The following TBL1XR1 variants were observed in gnomAD, a reference collection of about 807,000 sequenced individuals.
The protein encoded by TBL1XR1 is TBL1X/Y related 1, also known as F-box-like/WD repeat-containing protein TBL1XR1.
A neutral mutation model predicts 66.9 loss-of-function variants in TBL1XR1; 5 were observed. That is an observed-to-expected ratio of 0.07 (90% CI 0.04 to 0.16). The LOEUF (loss-of-function observed/expected upper bound fraction) is 0.16. Ranked by LOEUF, TBL1XR1 falls within the 10% of genes least tolerant of loss-of-function variation. The probability of loss-of-function intolerance (pLI) is 1.00; values close to 1 mark genes in which losing one functional copy is unlikely to be tolerated. For synonymous variants in TBL1XR1, 210 were observed against 206.0 expected (o/e 1.02, Z -0.17); for missense variants, 238 against 623.2 (o/e 0.38, Z 6.58).
intron 2 of TBL1XR1, among the ~76,000 whole-genome samples, chr3:177,096,331 T>C (rs34379239): frequency 0.11 from 10,942 of 100,628 alleles, 545 homozygotes; most frequent in Admixed American, 0.22. Flanking sequence ...CTAACATACA[T>C]ACATACACAC....
chr3:177,045,171 T>C (rs1716154905), intron 10 of TBL1XR1, among the ~76,000 whole-genome samples: 1 of 152,134 alleles, frequency 6.6e-6, no homozygotes, highest in Non-Finnish European at 1.5e-5. Flanking sequence ...CAAATTTCCA[T>C]TTTAAAGTTG....
intron 15 of TBL1XR1, among the ~76,000 whole-genome samples, chr3:177,025,737 G>A (rs1348859006): frequency 6.6e-6 from 1 of 152,062 alleles, no homozygotes; most frequent in Non-Finnish European, 1.5e-5. Flanking sequence ...AAACTGTGGG[G>A]GAAGAACCAC....
At chr3:177,105,993 CTAAAT>C (rs1724834926) in intron 1 of TBL1XR1, among the ~76,000 whole-genome samples, 1 of 151,954 alleles carries the variant, frequency 6.6e-6, no homozygotes, top group Non-Finnish European at 1.5e-5. Context: ...CTACATCGGA[CTAAAT>C]TAAGTGGTTT....
At chr3:177,175,180 A>T (rs139987135) in intron 1 of TBL1XR1, among the ~76,000 whole-genome samples, 48 of 152,364 alleles carry the variant, frequency 3.2e-4, no homozygotes, top group Non-Finnish European at 6.5e-4. Flanking sequence ...AATGTGAATA[A>T]CATTGTATTG....
chr3:177,034,585 T>C (rs948719172), intron 12 of TBL1XR1, among the ~76,000 whole-genome samples: 3 of 152,140 alleles, frequency 2.0e-5, no homozygotes, highest in Admixed American at 1.3e-4. Flanking sequence ...TTAACTATAG[T>C]TGTTCTGAGA....
At chr3:177,067,119 G>A (rs1037286809) in intron 2 of TBL1XR1, among the ~76,000 whole-genome samples, 19 of 151,996 alleles carry the variant, frequency 1.3e-4, no homozygotes, top group African/African-American at 3.9e-4. Flanking sequence ...TATTGTGCTC[G>A]GCACACATAG....
At chr3:177,146,056 A>G (rs1324368571) in intron 1 of TBL1XR1, among the ~76,000 whole-genome samples, 1 of 152,226 alleles carries the variant, frequency 6.6e-6, no homozygotes, top group Non-Finnish European at 1.5e-5. Context: ...TACAGAAAAC[A>G]AATATTTTTA....
intron 12 of TBL1XR1, among the ~76,000 whole-genome samples, chr3:177,034,668 A>G (rs912943648): frequency 1.3e-5 from 2 of 152,180 alleles, no homozygotes; most frequent in African/African-American, 4.8e-5. Flanking sequence ...TACATAATAA[A>G]CTGCTCTTAG....
chr3:177,166,199 C>CA (rs749351414), intron 1 of TBL1XR1, among the ~76,000 whole-genome samples: 8 of 152,026 alleles, frequency 5.3e-5, no homozygotes, highest in Admixed American at 2.6e-4. Context: ...CCAGCTTGGG[C>CA]AACATGGTGA....
At chr3:177,115,505 C>A (rs538638126) in intron 1 of TBL1XR1, among the ~76,000 whole-genome samples, 98 of 152,282 alleles carry the variant, frequency 6.4e-4, no homozygotes, top group South Asian at 1.2e-3. Flanking sequence ...GGTCACACCC[C>A]TTTGCTCTGC....
chr3:177,113,118 C>T (rs1158201605), intron 1 of TBL1XR1, among the ~76,000 whole-genome samples: 1 of 152,036 alleles, frequency 6.6e-6, no homozygotes, highest in Admixed American at 6.6e-5. Context: ...GGGGAGAGAA[C>T]AGTGTCTTCA....
At chr3:177,136,091 T>C (rs952381532) in intron 1 of TBL1XR1, 3 of 152,012 alleles carry the variant, frequency 2.0e-5, no homozygotes, top group Non-Finnish European at 4.4e-5. Context: ...GATCGTAAAA[T>C]AAATTTAGTG....
intron 1 of TBL1XR1, among the ~76,000 whole-genome samples, chr3:177,116,165 CTTACT>C (rs1726285305): frequency 6.6e-6 from 1 of 152,164 alleles, no homozygotes; most frequent in Non-Finnish European, 1.5e-5. Context: ...TGGTATTTTA[CTTACT>C]TGAAACCAAC....
At chr3:177,148,297 T>G (rs573315315) in intron 1 of TBL1XR1, among the ~76,000 whole-genome samples, 66 of 152,358 alleles carry the variant, frequency 4.3e-4, no homozygotes, top group African/African-American at 1.3e-3. Context: ...CTATCAAGTT[T>G]GAAAAGACTT....
chr3:177,163,565 G>C (rs1399467059), intron 1 of TBL1XR1, among the ~76,000 whole-genome samples: 1 of 146,898 alleles, frequency 6.8e-6, no homozygotes, highest in Non-Finnish European at 1.5e-5. Context: ...AAATATATAA[G>C]GTAAAAACAG....
intron 14 of TBL1XR1, among the ~76,000 whole-genome samples, chr3:177,031,931 T>C (rs933934121): frequency 6.6e-6 from 1 of 151,882 alleles, no homozygotes; most frequent in Non-Finnish European, 1.5e-5. Flanking sequence ...AATAACCCAG[T>C]TGAAAATAAT....
chr3:177,171,194 G>A (rs1733447295), intron 1 of TBL1XR1, among the ~76,000 whole-genome samples: 1 of 151,780 alleles, frequency 6.6e-6, no homozygotes, highest in Admixed American at 6.6e-5. Flanking sequence ...TACTAAATTA[G>A]CCAGGTGTGG....
chr3:177,132,216 G>A (rs1237209707), intron 1 of TBL1XR1, among the ~76,000 whole-genome samples: 2 of 152,170 alleles, frequency 1.3e-5, no homozygotes, highest in African/African-American at 4.8e-5. Flanking sequence ...TGCCTATGTG[G>A]CCAGCAGGAA....
chr3:177,173,931 A>G (rs1279457281), intron 1 of TBL1XR1, among the ~76,000 whole-genome samples: 1 of 152,212 alleles, frequency 6.6e-6, no homozygotes, highest in Admixed American at 6.5e-5. Flanking sequence ...AATGTTATCA[A>G]AGAAATTCTA....
Sources: gnomAD v4.1 joint callset for allele counts (sites outside exome capture counted in the v4.1 genomes callset) on GRCh38, gnomAD v4.1.1 for gene constraint, MANE v1.5 for transcripts, NCBI Gene and HGNC (gene_info 2026-07-23, HGNC 2026-07-21) for gene names.